Variants in BDP1 observed in about 807,000 individuals in gnomAD.
BDP1 encodes the protein BDP1 general transcription factor IIIB subunit, also known as transcription factor TFIIIB component B'' homolog.
BDP1 carries 169 observed loss-of-function variants against 266.6 expected under a neutral mutation model. The ratio of observed to expected loss-of-function variants is 0.63; its 90% CI spans 0.56 to 0.72. The LOEUF (loss-of-function observed/expected upper bound fraction) is 0.72, where lower values mean the gene tolerates loss of function less well. Ranked by LOEUF, BDP1 falls within the 30% of genes least tolerant of loss-of-function variation. The pLI is 0.00. For missense variants in BDP1, 3,015 were observed against 3,053.8 expected (o/e 0.99, Z 0.30); for synonymous variants, 1,090 against 1,022.4 (o/e 1.07, Z -1.26).
intron 12 of BDP1, among the ~76,000 whole-genome samples, chr5:71,496,978 A>G (rs2150426861): frequency 6.6e-6 from 1 of 152,318 alleles, no homozygotes; most frequent in East Asian, 1.9e-4. Context: ...ATGAGTTGCT[A>G]CCTTCAATAT....
intron 13 of BDP1, among the ~76,000 whole-genome samples, chr5:71,500,324 T>C (rs1024981345): frequency 5.7e-5 from 4 of 69,852 alleles, no homozygotes; most frequent in Non-Finnish European, 1.4e-4. Flanking sequence ...TTCTTTTTTT[T>C]TTTTTTTTTT....
chr5:71,500,384 G>C (rs559650495), intron 13 of BDP1, among the ~76,000 whole-genome samples: 4 of 140,098 alleles, frequency 2.9e-5, no homozygotes, highest in Non-Finnish European at 6.0e-5. Context: ...GGAGTGCATG[G>C]TGTGATTTCG....
chr5:71,491,105 A>C lies in BDP1; in HGVS notation c.1614A>C (p.Lys538Asn). Residue 538 changes from lysine to asparagine, a missense_variant, in exon 11 of 39, where the codon AAA becomes AAC. Coordinates refer to ENST00000358731, the MANE Select transcript of BDP1 (RefSeq NM_018429.3). ...TTGCCTCCACTGAAAAAGTTGAGAA[A>C]AGAACTGACCCCATCCTTTCATTAA... ...VGFASTEKVE[K>N]RTDPILSLSN... 4.3e-6 allele frequency: 7 copies of C among 1,614,024 alleles called. No homozygotes were observed. Among genetic ancestry groups the C allele is most frequent in the Non-Finnish European group, 5.9e-6 (7 of 1,179,952 alleles).
chr5:71,479,170 G>A (rs898057511), intron 7 of BDP1, among the ~76,000 whole-genome samples: 5 of 151,914 alleles, frequency 3.3e-5, no homozygotes, highest in Non-Finnish European at 7.4e-5. Context: ...AGCCTCCCGA[G>A]TAGCTGGGAC....
chr5:71,458,933 T>A (rs1214693102), intron 2 of BDP1, 78 bp downstream of exon 2: 14 of 1,423,530 alleles, frequency 9.8e-6, no homozygotes, highest in Non-Finnish European at 1.3e-5. Context: ...AAAGCATTTG[T>A]AGCATTTTGA....
chr5:71,548,760 T>A lies in BDP1; in HGVS notation c.6808+15T>A. Reference sequence around the variant, plus strand: ...AGACCTAACAGGTATGATAATATGCTTCAGTGACATGTCATAGAACTTAGT... The same window carrying A: ...AGACCTAACAGGTATGATAATATGCATCAGTGACATGTCATAGAACTTAGT... On this transcript the variant is annotated intron_variant, in intron 33 of 38. Transcript: ENST00000358731. 1 of 1,534,550 alleles carries A rather than the reference T, an allele frequency of 6.5e-7. No homozygotes were observed. The highest frequency in any genetic ancestry group is 9.0e-7 in the Non-Finnish European group (1 of 1,112,008).
chr5:71,519,136 T>C (rs1477945935), intron 22 of BDP1, among the ~76,000 whole-genome samples: 1 of 152,138 alleles, frequency 6.6e-6, no homozygotes, highest in East Asian at 1.9e-4. Flanking sequence ...ACTTTTGTTT[T>C]CAATATTACA....
intron 26 of BDP1, among the ~76,000 whole-genome samples, chr5:71,534,403 G>A (rs187324056): frequency 6.6e-5 from 10 of 152,168 alleles, no homozygotes; most frequent in Admixed American, 4.6e-4. Flanking sequence ...TAGATGTATG[G>A]GTTTATTTCT....
intron 22 of BDP1, among the ~76,000 whole-genome samples, chr5:71,520,855 A>G (rs1161221836): frequency 6.6e-6 from 1 of 152,162 alleles, no homozygotes; most frequent in Non-Finnish European, 1.5e-5. Context: ...CTGGGGATTC[A>G]CTTTTTAATC....
chr5:71,487,441 C>T (rs2150404112), intron 9 of BDP1, among the ~76,000 whole-genome samples: 1 of 152,204 alleles, frequency 6.6e-6, no homozygotes, highest in East Asian at 1.9e-4. Context: ...GACGGGGTTT[C>T]ACCATGTTAG....
chr5:71,457,355 T>C (rs1456236127), intron 1 of BDP1, among the ~76,000 whole-genome samples: 1 of 150,162 alleles, frequency 6.7e-6, no homozygotes, highest in East Asian at 2.0e-4. Context: ...GGAGTCTTGC[T>C]CTGTCGCCCA....
intron 7 of BDP1, among the ~76,000 whole-genome samples, chr5:71,474,786 G>T (rs1736404513): frequency 6.6e-6 from 1 of 151,236 alleles, no homozygotes; most frequent in African/African-American, 2.4e-5. Context: ...GGGAGAGGTT[G>T]CAGTGAACCG....
chr5:71,564,290 T>A (rs1309677576), intron 38 of BDP1, among the ~76,000 whole-genome samples: 2 of 151,336 alleles, frequency 1.3e-5, no homozygotes, highest in Non-Finnish European at 2.9e-5. Flanking sequence ...GTATCTTTGA[T>A]ATGTTTTCTT....
At chr5:71,534,808 A>G (rs757461482) in intron 26 of BDP1, among the ~76,000 whole-genome samples, 9 of 151,916 alleles carry the variant, frequency 5.9e-5, no homozygotes, top group Non-Finnish European at 1.0e-4. Context: ...CGCCCTGCTA[A>G]TTTTGTATTT....
chr5:71,539,310 A>G (rs1766816728), intron 27 of BDP1, among the ~76,000 whole-genome samples: 1 of 152,190 alleles, frequency 6.6e-6, no homozygotes, highest in African/African-American at 2.4e-5. Context: ...CACAAATGGG[A>G]GAGCATTTTC....
chr5:71,560,512 C>A (rs1743566431), intron 37 of BDP1, among the ~76,000 whole-genome samples: 1 of 152,126 alleles, frequency 6.6e-6, no homozygotes, highest in African/African-American at 2.4e-5. Flanking sequence ...TTATTTTGAT[C>A]ATTACATAAT....
At chr5:71,534,664 G>A (rs1357010906) in intron 26 of BDP1, among the ~76,000 whole-genome samples, 2 of 151,610 alleles carry the variant, frequency 1.3e-5, no homozygotes, top group African/African-American at 4.8e-5. Context: ...ATTTTGAGAC[G>A]GAGTTTTCCT....
rs754766331 is a variant in BDP1, at chr5:71,458,779, C to T, written c.413C>T (p.Pro138Leu). 2 of 1,613,982 alleles carry T rather than the reference C, an allele frequency of 1.2e-6. No individual in the cohort carries two copies. Among genetic ancestry groups the T allele is most frequent in the South Asian group, 1.1e-5 (1 of 91,070 alleles). The change falls in exon 2 of 39, where the codon CCA (proline) becomes CTA (leucine). Residue 138 changes from proline (P) to leucine (L), a missense_variant. Coordinates refer to ENST00000358731, the MANE Select transcript of BDP1 (RefSeq NM_018429.3). Reference sequence around the variant, plus strand: ...GCCACTTCAACAAAAGAGAAACAGCCATGCTCAGACAGATACCGAATATAC... The same window carrying T: ...GCCACTTCAACAAAAGAGAAACAGCTATGCTCAGACAGATACCGAATATAC... ...PTATSTKEKQ[P>L]CSDRYRIYKA... is the part of the protein sequence containing the mutation.
At chr5:71,481,989 G>A (rs755991477) in intron 7 of BDP1, among the ~76,000 whole-genome samples, 32 of 152,242 alleles carry the variant, frequency 2.1e-4, no homozygotes, top group Non-Finnish European at 2.5e-4. Context: ...GATCTTTCTG[G>A]TGTCTGAGGT....
Sources: allele counts gnomAD v4.1 joint callset (sites outside exome capture counted in the v4.1 genomes callset), GRCh38; gene constraint gnomAD v4.1.1; transcripts MANE v1.5; gene names NCBI Gene and HGNC (gene_info 2026-07-23, HGNC 2026-07-21).